Variants in BIRC5 observed in about 807,000 individuals in gnomAD.
BIRC5 encodes baculoviral IAP repeat-containing protein 5.
In BIRC5, 8 loss-of-function variants were observed where a neutral mutation model predicts 15.8. The observed-to-expected ratio is 0.51, with a 90% CI of 0.30 to 0.91. The LOEUF is 0.91. Ranked by LOEUF, BIRC5 falls within the 40% of genes least tolerant of loss-of-function variation. BIRC5 has a pLI of 0.07. For missense variants in BIRC5, 163 were observed against 178.6 expected (o/e 0.91, Z 0.50); for synonymous variants, 56 against 64.5 (o/e 0.87, Z 0.63).
chr17:78,214,789 T>C lies in BIRC5; in HGVS notation c.221T>C (p.Ile74Thr). ...LEGWEPDDDP[I>T]EEHKKHSSGC... ...GGCTGGGAGCCAGATGACGACCCCA[T>C]GTAAGTCTTCTCTGGCCAGCCTCGA... Residue 74 changes from isoleucine to threonine, a missense_variant and splice_region_variant, in exon 2 of 4, where the codon ATA becomes ACA. Physicochemically the swap from Ile to Thr is moderately conservative, Grantham distance 89. Coordinates refer to ENST00000350051, the MANE Select transcript of BIRC5 (RefSeq NM_001168.3). The C allele has an allele frequency of 4.3e-6, 7 of 1,611,246 alleles. No individual in the cohort carries two copies. Among genetic ancestry groups the C allele is most frequent in the Non-Finnish European group, 5.1e-6 (6 of 1,178,678 alleles).
intron 3 of BIRC5, among the ~76,000 whole-genome samples, chr17:78,217,403 T>A (rs2076486639): frequency 6.6e-6 from 1 of 151,872 alleles, no homozygotes; most frequent in Non-Finnish European, 1.5e-5. Flanking sequence ...CTTGAACTCC[T>A]GACCTCAGGT....
intron 2 of BIRC5, among the ~76,000 whole-genome samples, chr17:78,215,307 C>T (rs1237166166): frequency 6.6e-6 from 1 of 152,110 alleles, no homozygotes; most frequent in African/African-American, 2.4e-5. Flanking sequence ...ATCCCAGCTA[C>T]TCGGGAGGCT....
intron 2 of BIRC5, chr17:78,216,170 A>C (rs1254169389): frequency 6.2e-6 from 1 of 160,938 alleles, no homozygotes; most frequent in African/African-American, 2.4e-5. Flanking sequence ...AATGGCGTGA[A>C]CCCAGGAGGC....
chr17:78,215,422 T>TA (rs1031411744), intron 2 of BIRC5, among the ~76,000 whole-genome samples: 1 of 145,972 alleles, frequency 6.9e-6, no homozygotes, highest in Admixed American at 6.8e-5. Context: ...GTCATAAAAA[T>TA]AAAAAATTGA....
chr17:78,216,805 C>G (rs777217505), intron 3 of BIRC5, 24 bp downstream of exon 3: 2 of 1,563,732 alleles, frequency 1.3e-6, no homozygotes, highest in Non-Finnish European at 1.8e-6. Context: ...ATAAGAACTG[C>G]TCAAACCCTG....
chr17:78,223,017 C>A, intron 3 of BIRC5: 1 of 1,451,602 alleles, frequency 6.9e-7, no homozygotes, highest in Non-Finnish European at 9.0e-7. Flanking sequence ...AAGAGCAGAG[C>A]TCTGCCTAGA....
rs530518277 is a variant in BIRC5 at position 78,218,301 on chromosome 17, A to AT, written c.339+1531dup. On this transcript the variant is annotated intron_variant, in intron 3 of 3. Transcript: ENST00000350051. ...TTATTTATTTATTTATTTATTTTTA[A>AT]TTTTTTTTTTTGAGACGAGTCTCAC... 8.6e-3 allele frequency among the ~76,000 whole-genome samples: 1,249 copies of AT among 145,058 alleles called. 17 individuals are homozygous for AT. The highest frequency in any genetic ancestry group is 0.028 in the African/African-American group (1,084 of 39,326).
At chr17:78,219,580 C>T (rs2076502136) in intron 3 of BIRC5, among the ~76,000 whole-genome samples, 1 of 152,162 alleles carries the variant, frequency 6.6e-6, no homozygotes, top group African/African-American at 2.4e-5. Flanking sequence ...AGCTTGTCAC[C>T]TGGTTGAGGT....
intron 3 of BIRC5, among the ~76,000 whole-genome samples, chr17:78,217,866 A>G (rs2076490558): frequency 6.6e-6 from 1 of 151,936 alleles, no homozygotes; most frequent in Non-Finnish European, 1.5e-5. Context: ...ACCATAGCTC[A>G]CTGCAGCCTC....
At chr17:78,218,623 G>T (rs1210484339) in intron 3 of BIRC5, among the ~76,000 whole-genome samples, 4 of 132,928 alleles carry the variant, frequency 3.0e-5, no homozygotes, top group African/African-American at 1.1e-4. Flanking sequence ...TTTTTTTTGA[G>T]ACAGAGCCTT....
chr17:78,223,729 G>C lies in BIRC5; in HGVS notation c.*175G>C. The C allele has an allele frequency of 7.3e-7, 1 of 1,376,652 alleles. No homozygotes were observed. The allele number at this position is 1,376,652 out of a possible 1,614,324, so 85.3% of individuals were successfully genotyped here. On this transcript the variant is annotated 3_prime_UTR_variant, in exon 4 of 4. Transcript: ENST00000350051. ...GTTTTGTCTTGAAAGTGGCACCAGA[G>C]GTGCTTCTGCCTGTGCAGCGGGTGC... is the stretch of plus-strand genomic sequence containing the variant.
At chr17:78,215,823 T>C in intron 2 of BIRC5, 1 of 949,262 alleles carries the variant, frequency 1.1e-6, no homozygotes, top group Non-Finnish European at 1.3e-6. Context: ...TGTGTGGCCA[T>C]GTTTTCATTG....
At chr17:78,223,118 C>T (rs1206885377) in intron 3 of BIRC5, 5 of 939,122 alleles carry the variant, frequency 5.3e-6, no homozygotes, top group African/African-American at 1.7e-5. Flanking sequence ...TCAGCCTGGA[C>T]CTCGGTTTCC....
intron 2 of BIRC5, chr17:78,216,429 A>G (rs1400265672): frequency 2.3e-6 from 1 of 441,252 alleles, no homozygotes; most frequent in Non-Finnish European, 4.2e-6. Flanking sequence ...AAATAGATAC[A>G]TTAGCCACAC....
At chr17:78,221,374 C>T (rs1242404275) in intron 3 of BIRC5, among the ~76,000 whole-genome samples, 2 of 152,184 alleles carry the variant, frequency 1.3e-5, no homozygotes, top group African/African-American at 4.8e-5. Flanking sequence ...GCCTCAGCCT[C>T]CCAGTAGCTG....
chr17:78,217,424 C>T (rs1433153316), intron 3 of BIRC5, among the ~76,000 whole-genome samples: 1 of 149,700 alleles, frequency 6.7e-6, no homozygotes, highest in African/African-American at 2.5e-5. Context: ...GATCCACCCG[C>T]CTCAGCCTCC....
chr17:78,222,269 ATTTTC>A (rs1421886038), intron 3 of BIRC5, among the ~76,000 whole-genome samples: 2 of 150,530 alleles, frequency 1.3e-5, no homozygotes, highest in Admixed American at 1.3e-4. Flanking sequence ...TTTAAATTAA[ATTTTC>A]TTTTAATAAT....
intron 2 of BIRC5, chr17:78,215,912 G>A (rs2076474009): frequency 1.9e-6 from 2 of 1,065,832 alleles, no homozygotes; most frequent in South Asian, 3.5e-5. Context: ...GAGCTAGGGG[G>A]TCCCTTGGGG....
Position 78,223,850 on chromosome 17 carries a change from G to A in BIRC5, c.*296G>A. 1 of 532,218 alleles carries A rather than the reference G, an allele frequency of 1.9e-6. No homozygotes were observed. The highest frequency in any genetic ancestry group is 4.9e-4 in the Middle Eastern group (1 of 2,060). 33.0% of individuals were successfully genotyped at this position (532,218 alleles called of 1,614,324 possible). The stretch of plus-strand genomic sequence containing the variant: ...CGGGCTTACCAGGTGAGAAGTGAGG[G>A]AGGAAGAAGGCAGTGTCCCTTTTGC... On this transcript the variant is annotated 3_prime_UTR_variant, in exon 4 of 4. Coordinates refer to ENST00000350051, the MANE Select transcript of BIRC5 (RefSeq NM_001168.3).
Sources: gnomAD v4.1 joint callset for allele counts (sites outside exome capture counted in the v4.1 genomes callset) on GRCh38, gnomAD v4.1.1 for gene constraint, MANE v1.5 for transcripts, NCBI Gene and HGNC (gene_info 2026-07-23, HGNC 2026-07-21) for gene names.